The following HS3ST5 variants were observed in gnomAD, a reference collection of about 807,000 sequenced individuals.
HS3ST5 encodes the protein heparan sulfate glucosamine 3-O-sulfotransferase 5.
A neutral mutation model predicts 25.4 loss-of-function variants in HS3ST5; 10 were observed. The ratio of observed to expected loss-of-function variants is 0.39; its 90% CI spans 0.24 to 0.67. The LOEUF (loss-of-function observed/expected upper bound fraction) is 0.67, where lower values mean the gene tolerates loss of function less well. Ranked by LOEUF, HS3ST5 falls within the 30% of genes least tolerant of loss-of-function variation. The pLI is 0.44. For synonymous variants in HS3ST5, 170 were observed against 162.4 expected, an observed-to-expected ratio of 1.05 and a Z score of -0.36; for missense variants, 324 against 420.7, an observed-to-expected ratio of 0.77 and a Z score of 2.01.
chr6:114,185,834 G>C (rs543247956), intron 2 of HS3ST5, among the ~76,000 whole-genome samples: 1 of 151,710 alleles, frequency 6.6e-6, no homozygotes, highest in Admixed American at 6.6e-5. Context: ...AAACTCCAAG[G>C]CTCAAGAGAT....
rs1456880982 is a variant in HS3ST5, at chr6:114,204,233, AGGGCTTT to A, written c.-145+24345_-145+24351del. 5.3e-5 allele frequency among the ~76,000 whole-genome samples: 8 copies of A among 152,292 alleles called. 1 individual carries two copies. Among genetic ancestry groups the A allele is most frequent in the Admixed American group, 2.6e-4 (4 of 15,288 alleles). ...CATAGGTCTGGATCTGAGGCAGATA[AGGGCTTT>A]GGGAGAGACAGTGGTGGGATAGAAG... On this transcript the variant is annotated intron_variant, in intron 2 of 4. Transcript: ENST00000312719.
chr6:114,141,467 G>A (rs1777895818), intron 3 of HS3ST5, among the ~76,000 whole-genome samples: 1 of 152,170 alleles, frequency 6.6e-6, no homozygotes, highest in Non-Finnish European at 1.5e-5. Flanking sequence ...TCCATAAGGG[G>A]AGAAAGAAAT....
chr6:114,292,983 C>T (rs1271237692), intron 1 of HS3ST5, among the ~76,000 whole-genome samples: 2 of 151,532 alleles, frequency 1.3e-5, no homozygotes, highest in East Asian at 1.9e-4. Context: ...GTTGAATCCA[C>T]GGATGTGGAA....
At chr6:114,251,445 CTTGAGGGAAAGAATTATATTTTATT>C (rs1428847329) in intron 1 of HS3ST5, 4 of 152,116 alleles carry the variant, frequency 2.6e-5, no homozygotes, top group African/African-American at 9.7e-5. Context: ...AGTGTGAGCA[CTTGAGGGAAAGAATTATATTTTATT>C]TTTTTGTTGC....
intron 3 of HS3ST5, among the ~76,000 whole-genome samples, chr6:114,097,469 C>T (rs1775494097): frequency 6.6e-6 from 1 of 151,762 alleles, no homozygotes; most frequent in African/African-American, 2.4e-5. Context: ...ATTTAGCATC[C>T]TTTATATTGT....
intron 3 of HS3ST5, among the ~76,000 whole-genome samples, chr6:114,086,933 T>G (rs1316136289): frequency 1.3e-5 from 2 of 152,202 alleles, no homozygotes; most frequent in African/African-American, 4.8e-5. Context: ...AGGCAGATCA[T>G]TATATCTGAC....
At chr6:114,313,357 A>G (rs1423356973) in intron 1 of HS3ST5, among the ~76,000 whole-genome samples, 1 of 152,196 alleles carries the variant, frequency 6.6e-6, no homozygotes, top group East Asian at 1.9e-4. Flanking sequence ...ACAATAAAGA[A>G]AAACGTGTTC....
chr6:114,086,795 C>T (rs902349688), intron 3 of HS3ST5, among the ~76,000 whole-genome samples: 8 of 152,188 alleles, frequency 5.3e-5, no homozygotes, highest in African/African-American at 1.9e-4. Flanking sequence ...AACAAAAGCT[C>T]ACCTTCAAGA....
At chr6:114,087,958 C>G (rs6924016) in intron 3 of HS3ST5, among the ~76,000 whole-genome samples, 1 of 151,970 alleles carries the variant, frequency 6.6e-6, no homozygotes, top group Non-Finnish European at 1.5e-5. Context: ...TAGTCACTAG[C>G]CCCTAGCCAT....
At chr6:114,307,467 T>TC (rs1181455196) in intron 1 of HS3ST5, among the ~76,000 whole-genome samples, 1 of 151,992 alleles carries the variant, frequency 6.6e-6, no homozygotes, top group East Asian at 1.9e-4. Flanking sequence ...AAGAATTTTA[T>TC]TGTTGTATTG....
intron 2 of HS3ST5, among the ~76,000 whole-genome samples, chr6:114,178,041 T>C (rs1296265858): frequency 3.3e-5 from 5 of 152,254 alleles, no homozygotes; most frequent in Non-Finnish European, 7.3e-5. Flanking sequence ...TGCTTATTCA[T>C]TGATATTTTG....
chr6:114,087,570 A>G (rs1303699956), intron 3 of HS3ST5, among the ~76,000 whole-genome samples: 1 of 152,222 alleles, frequency 6.6e-6, no homozygotes, highest in African/African-American at 2.4e-5. Context: ...TGTGGAATTG[A>G]GTGAACCTAA....
intron 2 of HS3ST5, among the ~76,000 whole-genome samples, chr6:114,225,472 T>C (rs1407433451): frequency 6.6e-6 from 1 of 151,972 alleles, no homozygotes; most frequent in Non-Finnish European, 1.5e-5. Flanking sequence ...TATTTTAGGA[T>C]GAAGAAACAG....
At chr6:114,205,010 G>A (rs947124204) in intron 2 of HS3ST5, among the ~76,000 whole-genome samples, 3 of 152,068 alleles carry the variant, frequency 2.0e-5, no homozygotes, top group Non-Finnish European at 4.4e-5. Flanking sequence ...CCATGCTCAC[G>A]GCCTTTTCTT....
At chr6:114,225,295 A>G (rs1406044804) in intron 2 of HS3ST5, among the ~76,000 whole-genome samples, 2 of 151,838 alleles carry the variant, frequency 1.3e-5, no homozygotes, top group Non-Finnish European at 3.0e-5. Flanking sequence ...TGTAAGGCCA[A>G]AATATCCCCA....
chr6:114,277,155 C>T (rs1020542276), intron 1 of HS3ST5, among the ~76,000 whole-genome samples: 4 of 150,752 alleles, frequency 2.7e-5, no homozygotes, highest in African/African-American at 7.3e-5. Context: ...TTCAGGTTAA[C>T]GTTTCAAATA....
In HS3ST5 at chr6:114,067,535, C is replaced by T. The variant is rs1296245963; in HGVS notation, c.-32-4658G>A. Among the ~76,000 whole-genome samples the T allele has an allele frequency of 3.3e-5, 5 of 152,140 alleles. No individual in the cohort carries two copies. The East Asian group carries it at 9.6e-4, about 29-fold the overall frequency. On this transcript the variant is annotated intron_variant, in intron 3 of 4. Transcript: ENST00000312719. ...CCTAACTCTCGCTTTATGATAAACC[C>T]AGTTATTACTATAGAGGTTTTGCTC...
intron 2 of HS3ST5, among the ~76,000 whole-genome samples, chr6:114,226,570 C>G (rs1398662516): frequency 1.3e-5 from 2 of 151,818 alleles, no homozygotes; most frequent in African/African-American, 2.4e-5. Context: ...TATGAAGAGA[C>G]TTTTATATGA....
At chr6:114,143,566 G>A (rs909907867) in intron 3 of HS3ST5, 3 of 152,158 alleles carry the variant, frequency 2.0e-5, no homozygotes, top group Non-Finnish European at 4.4e-5. Flanking sequence ...GGCAAATGGC[G>A]CCAAGGAGGA....
Sources: gnomAD v4.1 joint callset for allele counts (sites outside exome capture counted in the v4.1 genomes callset) on GRCh38, gnomAD v4.1.1 for gene constraint, MANE v1.5 for transcripts, NCBI Gene and HGNC (gene_info 2026-07-23, HGNC 2026-07-21) for gene names.